The following TBCEL variants were observed in gnomAD, a reference collection of about 807,000 sequenced individuals.
TBCEL encodes the protein tubulin folding cofactor E like, also known as tubulin-specific chaperone cofactor E-like protein.
TBCEL carries 15 observed loss-of-function variants against 44.2 expected under a neutral mutation model. The observed-to-expected ratio is 0.34, with a 90% CI of 0.23 to 0.52. The LOEUF is 0.52. Ranked by LOEUF, TBCEL falls within the 20% of genes least tolerant of loss-of-function variation. TBCEL has a pLI of 0.95. For synonymous variants in TBCEL, 171 were observed against 185.4 expected (o/e 0.92, Z 0.63); for missense variants, 319 against 506.3 (o/e 0.63, Z 3.55).
chr11:121,068,351 G>T (rs542912805), intron 8 of TBCEL, among the ~76,000 whole-genome samples: 118 of 150,204 alleles, frequency 7.9e-4, no homozygotes, highest in African/African-American at 2.8e-3. Flanking sequence ...AGTCATTCTT[G>T]ATTTTTTTTC....
chr11:121,060,372 T>C (rs535869126), intron 8 of TBCEL, among the ~76,000 whole-genome samples: 13 of 152,068 alleles, frequency 8.5e-5, no homozygotes, highest in Admixed American at 3.3e-4. Flanking sequence ...TGATTCTTTT[T>C]TGATCTTTTT....
At chr11:121,073,508 A>G (rs775185725) in intron 8 of TBCEL, among the ~76,000 whole-genome samples, 2 of 151,960 alleles carry the variant, frequency 1.3e-5, no homozygotes, top group Admixed American at 6.6e-5. Flanking sequence ...TCAGTCTTAC[A>G]TATAGAGTAG....
At chr11:121,079,883 C>T (rs914041622) in intron 8 of TBCEL, among the ~76,000 whole-genome samples, 2 of 152,222 alleles carry the variant, frequency 1.3e-5, no homozygotes, top group East Asian at 1.9e-4. Flanking sequence ...GGTGCAATCT[C>T]GGCTCACTGC....
rs1946277792 is a variant in TBCEL, at chr11:121,090,762, T to A, written c.*3666T>A. The stretch of plus-strand genomic sequence containing the variant: ...TAGATAATCTTTAAAAAAATTAAAA[T>A]TCAAGTCCATTTTATCTTTGTGTTC... On this transcript the variant is annotated 3_prime_UTR_variant, in exon 9 of 9. Coordinates refer to ENST00000683345, the MANE Select transcript of TBCEL (RefSeq NM_001363644.2). 1 of 151,590 alleles carries A rather than the reference T, an allele frequency of 6.6e-6. No homozygotes were observed. The highest frequency in any genetic ancestry group is 6.6e-5 in the Admixed American group (1 of 15,196). 9.4% of individuals were successfully genotyped at this position (151,590 alleles called of 1,614,324 possible). A position where few individuals can be genotyped will look rare whatever the true frequency, so the allele number is the denominator to read the frequency against.
At chr11:121,071,929 C>T (rs1220612224) in intron 8 of TBCEL, among the ~76,000 whole-genome samples, 2 of 152,122 alleles carry the variant, frequency 1.3e-5, no homozygotes, top group African/African-American at 2.4e-5. Flanking sequence ...ACATGAGTCT[C>T]CTGGGGTTCT....
At chr11:121,046,342 G>A (rs2134922384) in intron 3 of TBCEL, among the ~76,000 whole-genome samples, 1 of 152,208 alleles carries the variant, frequency 6.6e-6, no homozygotes, top group East Asian at 1.9e-4. Context: ...TTCTAGGAGA[G>A]GGATTAGATG....
chr11:121,062,954 C>CT (rs960683487), intron 8 of TBCEL, among the ~76,000 whole-genome samples: 2 of 151,874 alleles, frequency 1.3e-5, no homozygotes, highest in South Asian at 2.1e-4. Context: ...TCTCACTGTC[C>CT]TTTTTTTTCT....
intron 8 of TBCEL, among the ~76,000 whole-genome samples, chr11:121,085,141 C>A (rs1946192929): frequency 6.6e-6 from 1 of 151,988 alleles, no homozygotes. Context: ...CGGGTTCAAG[C>A]GATTCTTCTG....
At chr11:121,074,518 G>A (rs77350912) in intron 8 of TBCEL, among the ~76,000 whole-genome samples, 2 of 151,708 alleles carry the variant, frequency 1.3e-5, no homozygotes, top group African/African-American at 2.4e-5. Context: ...GTCTATTTCT[G>A]CCTTTCCATT....
At chr11:121,086,720 A>G in intron 8 of TBCEL, 58 bp from the exon 9 acceptor site, 1 of 1,283,192 alleles carries the variant, frequency 7.8e-7, no homozygotes, top group Admixed American at 2.2e-5. Flanking sequence ...GTTGGGAAGA[A>G]GTCCACAGTA....
Position 121,053,722 on chromosome 11 carries a change from G to C in TBCEL, c.445G>C (p.Glu149Gln). 2 of 1,611,606 alleles carry C rather than the reference G, an allele frequency of 1.2e-6. No homozygotes were observed. Among genetic ancestry groups the C allele is most frequent in the Non-Finnish European group, 8.5e-7 (1 of 1,178,574 alleles). The change falls in exon 5 of 9, where the codon GAG becomes CAG. Residue 149 changes from glutamate to glutamine, a missense_variant. By Grantham distance (29) the Glu-to-Gln change is conservative. Coordinates refer to ENST00000683345, the MANE Select transcript of TBCEL (RefSeq NM_001363644.2). ...GGAGACGGTCCACATGATACTACAG[G>C]AGTTACCAGAGTAAGCCCAGAGAGC... The part of the protein sequence containing the change: ...SWETVHMILQ[E>Q]LPDLEELFLC...
chr11:121,043,031 T>C lies in TBCEL; in HGVS notation c.-17-2643T>C, dbSNP rs555376275. ...CCCTTTAATCCAACTAGTGCATTTG[T>C]ATATTTTAGGGCTCTACAGCAACCC... On this transcript the variant is annotated intron_variant, in intron 2 of 8. Transcript: ENST00000683345. 2.6e-5 allele frequency among the ~76,000 whole-genome samples: 4 copies of C among 152,306 alleles called. No homozygotes were observed. In the South Asian group the frequency reaches 8.3e-4, roughly 32 times the overall value.
intron 1 of TBCEL, among the ~76,000 whole-genome samples, chr11:121,026,017 A>G (rs979831959): frequency 7.2e-5 from 11 of 152,138 alleles, no homozygotes; most frequent in Admixed American, 2.6e-4. Context: ...TACTGTTCCA[A>G]TGTTGTGAAG....
At chr11:121,034,652 A>G (rs1358027768) in intron 1 of TBCEL, among the ~76,000 whole-genome samples, 1 of 152,242 alleles carries the variant, frequency 6.6e-6, no homozygotes, top group Non-Finnish European at 1.5e-5. Flanking sequence ...AACAAGCATT[A>G]GGATATGGTT....
chr11:121,060,690 A>T (rs1945706287), intron 8 of TBCEL, among the ~76,000 whole-genome samples: 1 of 151,954 alleles, frequency 6.6e-6, no homozygotes, highest in Admixed American at 6.6e-5. Context: ...GAAATGTAGC[A>T]GGTATGATAT....
chr11:121,044,966 C>T (rs1591388986), intron 2 of TBCEL, among the ~76,000 whole-genome samples: 1 of 152,096 alleles, frequency 6.6e-6, no homozygotes, highest in Non-Finnish European at 1.5e-5. Flanking sequence ...AGTATGGCAG[C>T]TCAGTTACAT....
chr11:121,028,877 A>G (rs1300767000), intron 1 of TBCEL, among the ~76,000 whole-genome samples: 2 of 152,216 alleles, frequency 1.3e-5, no homozygotes, highest in African/African-American at 4.8e-5. Flanking sequence ...AAGAATTGGT[A>G]TCAAATTAGC....
At chr11:121,032,361 A>G (rs1241967252) in intron 1 of TBCEL, among the ~76,000 whole-genome samples, 1 of 152,220 alleles carries the variant, frequency 6.6e-6, no homozygotes, top group African/African-American at 2.4e-5. Context: ...TGAAGTTGCC[A>G]TGAACAGTGA....
intron 2 of TBCEL, among the ~76,000 whole-genome samples, chr11:121,039,375 T>A (rs988522441): frequency 7.2e-5 from 11 of 152,262 alleles, no homozygotes; most frequent in Non-Finnish European, 1.3e-4. Context: ...CTATTTCTTG[T>A]CTGGCTTATT....
Sources: allele counts gnomAD v4.1 joint callset (sites outside exome capture counted in the v4.1 genomes callset), GRCh38; gene constraint gnomAD v4.1.1; transcripts MANE v1.5; gene names NCBI Gene and HGNC (gene_info 2026-07-23, HGNC 2026-07-21).